Variants in TENM1 observed in about 807,000 individuals in gnomAD.
The protein encoded by TENM1 is teneurin-1.
In TENM1, 35 loss-of-function variants were observed where a neutral mutation model predicts 174.8. The ratio of observed to expected loss-of-function variants is 0.20; its 90% CI spans 0.15 to 0.27. The LOEUF (loss-of-function observed/expected upper bound fraction) is 0.27, where lower values mean the gene tolerates loss of function less well. Among genes scored for constraint, TENM1 ranks in the 10% least tolerant of loss-of-function variants. The probability of loss-of-function intolerance (pLI) is 1.00; values close to 1 mark genes in which losing one functional copy is unlikely to be tolerated. For missense variants in TENM1, 1,633 were observed against 2,130.1 expected (o/e 0.77, Z 4.59); for synonymous variants, 781 against 798.7 (o/e 0.98, Z 0.37).
At chrX:125,003,026 T>C in the TENM1 span, among the ~76,000 whole-genome samples, 14 of 112,187 alleles carry the variant, frequency 1.2e-4, 1 homozygote, top group East Asian at 3.1e-3. Context: ...CAAAACCTAG[T>C]GCAATACTGA....
At chrX:124,759,293 G>A (rs763990181) in intron 3 of TENM1, among the ~76,000 whole-genome samples, 9 of 110,853 alleles carry the variant, frequency 8.1e-5, no homozygotes, top group African/African-American at 2.9e-4. Context: ...TCTTAATAAC[G>A]TATGTTTTAA....
intron 18 of TENM1, among the ~76,000 whole-genome samples, chrX:124,510,944 C>T (rs2047569964): frequency 8.9e-6 from 1 of 112,295 alleles, no homozygotes; most frequent in Non-Finnish European, 1.9e-5. Flanking sequence ...ATAGATTTCA[C>T]AGTCTACTAA....
chrX:124,425,997 TGTGTGTGTGTG>T (rs2060710452), intron 23 of TENM1, among the ~76,000 whole-genome samples: 1 of 3,170 alleles, frequency 3.2e-4, no homozygotes, highest in Non-Finnish European at 2.3e-3. Context: ...AAAGGACTGG[TGTGTGTGTGTG>T]TGTGTGTGTG....
At chrX:124,773,301 T>C (rs1303860916) in intron 3 of TENM1, among the ~76,000 whole-genome samples, 1 of 109,943 alleles carries the variant, frequency 9.1e-6, no homozygotes, top group African/African-American at 3.3e-5. Context: ...AGAAGGTGTG[T>C]GGATGGCAAG....
the TENM1 span, among the ~76,000 whole-genome samples, chrX:125,127,056 T>A: frequency 8.9e-6 from 1 of 111,867 alleles, no homozygotes; most frequent in African/African-American, 3.3e-5. Flanking sequence ...CACTTATATA[T>A]GCACATGCAA....
At chrX:124,595,020 C>T (rs1411639513) in intron 11 of TENM1, among the ~76,000 whole-genome samples, 1 of 111,932 alleles carries the variant, frequency 8.9e-6, no homozygotes, top group Non-Finnish European at 1.9e-5. Flanking sequence ...GTGTTGTACT[C>T]CTTTGTGGTT....
rs190114699 is a variant in TENM1 at position 124,736,452 on chromosome X, C to T, written c.776+505G>A. 2.1e-3 allele frequency among the ~76,000 whole-genome samples: 236 copies of T among 110,349 alleles called. 2 individuals are homozygous for T. Among genetic ancestry groups the T allele is most frequent in the Middle Eastern group, 0.019 (4 of 212 alleles). On this transcript the variant is annotated intron_variant, in intron 4 of 31. Transcript: ENST00000422452. ...CTAAAGGCAGAATTTAGTTTTTAAACTTACACATATACTTCCATTACATGA... is the reference window on the plus strand; with the variant it reads ...CTAAAGGCAGAATTTAGTTTTTAAATTTACACATATACTTCCATTACATGA...
intron 11 of TENM1, among the ~76,000 whole-genome samples, chrX:124,620,267 G>C (rs1264394277): frequency 9.0e-6 from 1 of 110,848 alleles, no homozygotes; most frequent in Admixed American, 9.6e-5. Context: ...ATGAATGGGG[G>C]CCTCAACCTG....
chrX:124,913,186 C>G (rs779528599), intron 1 of TENM1, among the ~76,000 whole-genome samples: 1 of 110,796 alleles, frequency 9.0e-6, no homozygotes, highest in Non-Finnish European at 1.9e-5. Context: ...TATACGTTCC[C>G]ATAGTGATTC....
intron 4 of TENM1, among the ~76,000 whole-genome samples, chrX:124,713,434 A>C (rs2053108635): frequency 9.1e-6 from 1 of 110,416 alleles, no homozygotes; most frequent in Non-Finnish European, 1.9e-5. Context: ...ATGCCCGGCT[A>C]ATTTTGTATT....
intron 1 of TENM1, among the ~76,000 whole-genome samples, chrX:124,900,716 G>C (rs1167526586): frequency 9.1e-6 from 1 of 110,368 alleles, no homozygotes; most frequent in African/African-American, 3.3e-5. Context: ...ATGTCATCTT[G>C]CTTATATCTA....
intron 3 of TENM1, among the ~76,000 whole-genome samples, chrX:124,845,211 C>A (rs1239033883): frequency 8.9e-6 from 1 of 112,256 alleles, no homozygotes; most frequent in African/African-American, 3.2e-5. Flanking sequence ...AATTCCCTTT[C>A]AGTCTTTCAC....
chrX:124,845,499 A>C (rs2056588347), intron 3 of TENM1, among the ~76,000 whole-genome samples: 1 of 111,874 alleles, frequency 8.9e-6, no homozygotes, highest in Admixed American at 9.5e-5. Context: ...GAAACTCTGC[A>C]ATATGTAATG....
At chrX:124,991,338 T>G in the TENM1 span, among the ~76,000 whole-genome samples, 32 of 110,986 alleles carry the variant, frequency 2.9e-4, no homozygotes, top group Non-Finnish European at 6.0e-4. Context: ...GATTTTGTAA[T>G]GTTCATAGTG....
intron 3 of TENM1, among the ~76,000 whole-genome samples, chrX:124,825,791 T>C (rs2147310907): frequency 8.9e-6 from 1 of 111,963 alleles, no homozygotes; most frequent in South Asian, 3.7e-4. Flanking sequence ...GAAGGGCCTG[T>C]GGTGTAGGAT....
chrX:125,100,573 CAG>C, the TENM1 span, among the ~76,000 whole-genome samples: 5 of 112,007 alleles, frequency 4.5e-5, no homozygotes, highest in African/African-American at 1.6e-4. Context: ...ACATGAGATG[CAG>C]AGTCTGACTA....
chrX:124,508,767 A>C (rs1360259618), intron 18 of TENM1, among the ~76,000 whole-genome samples: 1 of 111,771 alleles, frequency 8.9e-6, no homozygotes, highest in East Asian at 2.8e-4. Context: ...TTGCCATCAA[A>C]GGCAGAGTGA....
chrX:124,591,035 A>T (rs1488225317), intron 11 of TENM1, among the ~76,000 whole-genome samples: 1 of 111,772 alleles, frequency 8.9e-6, no homozygotes, highest in Non-Finnish European at 1.9e-5. Flanking sequence ...GTTTTATCTG[A>T]TATAAGAATA....
At chrX:125,104,171 T>C in the TENM1 span, among the ~76,000 whole-genome samples, 1,850 of 111,685 alleles carry the variant, frequency 0.017, 34 homozygotes, top group African/African-American at 0.056. Flanking sequence ...GCCAGCTTTG[T>C]CCCTTGATCA....
Sources: gnomAD v4.1 joint callset for allele counts (sites outside exome capture counted in the v4.1 genomes callset) on GRCh38, gnomAD v4.1.1 for gene constraint, MANE v1.5 for transcripts, NCBI Gene and HGNC (gene_info 2026-07-23, HGNC 2026-07-21) for gene names.